CPAP: variants seen among roughly 807,000 people sequenced by gnomAD.
CPAP encodes centrosome assembly and centriole elongation protein, also known as centrosomal P4.1-associated protein.
the CPAP span, among the ~76,000 whole-genome samples, chr13:24,893,797 G>C: frequency 6.6e-6 from 1 of 152,370 alleles, no homozygotes; most frequent in East Asian, 1.9e-4. Flanking sequence ...AATGGGTTCA[G>C]AATTCAAGAG....
chr13:24,914,725 G>A, the CPAP span, among the ~76,000 whole-genome samples: 32 of 152,252 alleles, frequency 2.1e-4, no homozygotes, highest in Middle Eastern at 3.4e-3. Context: ...GCTGTAAGCC[G>A]TGATTGTGTC....
At chr13:24,915,709 G>T in the CPAP span, among the ~76,000 whole-genome samples, 1 of 152,166 alleles carries the variant, frequency 6.6e-6, no homozygotes, top group Non-Finnish European at 1.5e-5. Context: ...GGAGACAGGA[G>T]AATTGCTTGA....
chr13:24,919,188 T>C, the CPAP span, among the ~76,000 whole-genome samples: 18 of 152,296 alleles, frequency 1.2e-4, no homozygotes, highest in African/African-American at 4.3e-4. Context: ...TTCTAAAAAG[T>C]GAAAAATTTT....
At chr13:24,905,454 T>C in the CPAP span, 3 of 1,614,140 alleles carry the variant, frequency 1.9e-6, no homozygotes, top group Middle Eastern at 1.6e-4. Flanking sequence ...AGCTCCGATG[T>C]AGGAGGACTT....
chr13:24,883,050 A>G, the CPAP span: 3 of 839,300 alleles, frequency 3.6e-6, no homozygotes, highest in East Asian at 4.9e-5. Context: ...GCCACAGGGT[A>G]AACTTTTATT....
chr13:24,890,091 A>G, the CPAP span, among the ~76,000 whole-genome samples: 33,520 of 152,184 alleles, frequency 0.22, 4,174 homozygotes, highest in Non-Finnish European at 0.29. Context: ...AGGGCATTCT[A>G]CAAAGCAATC....
chr13:24,914,005 T>G, the CPAP span, among the ~76,000 whole-genome samples: 1 of 152,278 alleles, frequency 6.6e-6, no homozygotes, highest in South Asian at 2.1e-4. Flanking sequence ...TGCCCCTGGG[T>G]ACATAGCAGT....
the CPAP span, chr13:24,933,232 GGA>G: frequency 8.3e-6 from 8 of 963,358 alleles, no homozygotes; most frequent in Non-Finnish European, 1.3e-5. Flanking sequence ...ATTAGCAGCA[GGA>G]GAGAGTGAGC....
chr13:24,916,515 C>G, the CPAP span, among the ~76,000 whole-genome samples: 6 of 152,204 alleles, frequency 3.9e-5, no homozygotes, highest in Non-Finnish European at 2.9e-5. Context: ...TTTTTTCCCA[C>G]CCTGGGTTGG....
chr13:24,911,132 T>C, the CPAP span, among the ~76,000 whole-genome samples: 2 of 152,220 alleles, frequency 1.3e-5, no homozygotes, highest in African/African-American at 4.8e-5. Context: ...GGATGTAGCA[T>C]TTTTTAAAAT....
At chr13:24,904,938 A>G in the CPAP span, among the ~76,000 whole-genome samples, 2 of 152,232 alleles carry the variant, frequency 1.3e-5, no homozygotes, top group Non-Finnish European at 2.9e-5. Flanking sequence ...AACAATCTTC[A>G]AAATTTATCA....
the CPAP span, chr13:24,886,108 AC>A: frequency 2.5e-6 from 1 of 394,848 alleles, no homozygotes; most frequent in Non-Finnish European, 5.0e-6. Flanking sequence ...TGTACCAGCA[AC>A]ATATACATTA....
chr13:24,890,049 C>T, the CPAP span, among the ~76,000 whole-genome samples: 1 of 152,160 alleles, frequency 6.6e-6, no homozygotes, highest in Non-Finnish European at 1.5e-5. Context: ...TTATTAATTT[C>T]AAAGCATTCT....
the CPAP span, chr13:24,882,979 CAG>C: frequency 2.9e-5 from 17 of 588,740 alleles, no homozygotes; most frequent in Non-Finnish European, 5.1e-5. Flanking sequence ...TATTGAAAGA[CAG>C]GGTAGTGAAT....
chr13:24,905,693 C>G, the CPAP span: 2 of 1,614,198 alleles, frequency 1.2e-6, no homozygotes, highest in Non-Finnish European at 1.7e-6. Context: ...GGATGAGGAT[C>G]TCGAGGGCTC....
the CPAP span, among the ~76,000 whole-genome samples, chr13:24,918,911 C>A: frequency 8.6e-5 from 13 of 151,994 alleles, no homozygotes; most frequent in South Asian, 2.7e-3. Context: ...CGAGAGTCAA[C>A]TGTAATTAGT....
At chr13:24,928,369 C>T in the CPAP span, among the ~76,000 whole-genome samples, 1 of 152,220 alleles carries the variant, frequency 6.6e-6, no homozygotes, top group Non-Finnish European at 1.5e-5. Context: ...CCTTTACCTG[C>T]AGGAAGAGTG....
At chr13:24,925,889 C>T in the CPAP span, 17 of 152,672 alleles carry the variant, frequency 1.1e-4, no homozygotes, top group African/African-American at 2.7e-4. Context: ...ATGCGTGACC[C>T]GTTCCCTGAA....
At chr13:24,926,031 C>G in the CPAP span, 2 of 152,472 alleles carry the variant, frequency 1.3e-5, no homozygotes, top group South Asian at 4.1e-4. Flanking sequence ...GCCAAGCAGT[C>G]CCCTAGCTGC....
Sources: allele counts gnomAD v4.1 joint callset (sites outside exome capture counted in the v4.1 genomes callset), GRCh38; gene constraint gnomAD v4.1.1; transcripts MANE v1.5; gene names NCBI Gene and HGNC (gene_info 2026-07-23, HGNC 2026-07-21).